Variants in PID1 observed in about 807,000 individuals in gnomAD.
PID1 encodes the protein PTB-containing, cubilin and LRP1-interacting protein.
In PID1, 10 loss-of-function variants were observed where a neutral mutation model predicts 19.1. That is an observed-to-expected ratio of 0.52 (90% CI 0.32 to 0.89). The LOEUF is 0.89. Ranked by LOEUF, PID1 falls within the 40% of genes least tolerant of loss-of-function variation. The pLI is 0.03. For synonymous variants in PID1, 130 were observed against 116.0 expected, an observed-to-expected ratio of 1.12 and a Z score of -0.78; for missense variants, 248 against 285.3, an observed-to-expected ratio of 0.87 and a Z score of 0.94.
At chr2:229,268,410 C>T (rs934908081) in intron 1 of PID1, among the ~76,000 whole-genome samples, 4 of 152,206 alleles carry the variant, frequency 2.6e-5, no homozygotes, top group African/African-American at 9.6e-5. Context: ...GGGACACAGA[C>T]TTCTCAAACC....
At chr2:229,128,241 C>T (rs1356688503) in intron 2 of PID1, among the ~76,000 whole-genome samples, 2 of 152,206 alleles carry the variant, frequency 1.3e-5, no homozygotes, top group Non-Finnish European at 2.9e-5. Flanking sequence ...TCAGAAGGCA[C>T]TTATTCCAAG....
intron 2 of PID1, among the ~76,000 whole-genome samples, chr2:229,033,026 A>C (rs1441111232): frequency 6.6e-6 from 1 of 152,090 alleles, no homozygotes; most frequent in Non-Finnish European, 1.5e-5. Flanking sequence ...ATGAATCACC[A>C]TTCCCTGCTC....
rs143807308 is a variant in PID1 at position 229,091,065 on chromosome 2, T to C, written c.177+64753A>G. Among the ~76,000 whole-genome samples the C allele has an allele frequency of 1.4e-4, 22 of 152,290 alleles. No individual in the cohort carries two copies. In the East Asian group the frequency reaches 4.2e-3, roughly 29 times the overall value. On this transcript the variant is annotated intron_variant, in intron 2 of 2. Transcript: ENST00000392055. Reference sequence around the variant, plus strand: ...ATTAAGTTTGAAGAGATATTTCCCTTTTAAACTTTATCTATAAGTAATTAC... The same window carrying C: ...ATTAAGTTTGAAGAGATATTTCCCTCTTAAACTTTATCTATAAGTAATTAC...
At chr2:229,104,763 A>G (rs528101884) in intron 2 of PID1, among the ~76,000 whole-genome samples, 5 of 152,302 alleles carry the variant, frequency 3.3e-5, no homozygotes, top group South Asian at 2.1e-4. Flanking sequence ...TTTCTTACCT[A>G]TGAAATAGGT....
intron 2 of PID1, among the ~76,000 whole-genome samples, chr2:229,085,179 C>T (rs1694740670): frequency 6.6e-6 from 1 of 151,072 alleles, no homozygotes; most frequent in Admixed American, 6.6e-5. Flanking sequence ...AATGATAAAC[C>T]CATTGCATAC....
At chr2:229,171,603 A>G (rs1382479947) in intron 1 of PID1, among the ~76,000 whole-genome samples, 1 of 152,178 alleles carries the variant, frequency 6.6e-6, no homozygotes, top group Non-Finnish European at 1.5e-5. Flanking sequence ...CTTTCATAGC[A>G]TTTGTAACAC....
intron 2 of PID1, among the ~76,000 whole-genome samples, 174 bp from the exon 3 acceptor site, chr2:229,026,282 T>C (rs931230837): frequency 6.6e-6 from 1 of 152,224 alleles, no homozygotes; most frequent in Non-Finnish European, 1.5e-5. Flanking sequence ...TTCTCTCTAA[T>C]GAGTTGCCTA....
At chr2:229,110,227 C>T (rs578208833) in intron 2 of PID1, among the ~76,000 whole-genome samples, 31 of 152,286 alleles carry the variant, frequency 2.0e-4, no homozygotes, top group Admixed American at 1.2e-3. Flanking sequence ...GATGTCCAAG[C>T]GCCTTCCTGG....
At chr2:229,206,137 T>C (rs989780394) in intron 1 of PID1, among the ~76,000 whole-genome samples, 5 of 152,110 alleles carry the variant, frequency 3.3e-5, no homozygotes, top group African/African-American at 1.2e-4. Context: ...CAAAATCACT[T>C]GCCAAGGTAA....
intron 1 of PID1, among the ~76,000 whole-genome samples, chr2:229,156,934 C>A (rs1402243912): frequency 6.6e-6 from 1 of 152,220 alleles, no homozygotes; most frequent in Non-Finnish European, 1.5e-5. Flanking sequence ...CTTAGGACCC[C>A]TGATCACGCT....
At chr2:229,044,367 C>A (rs1179209604) in intron 2 of PID1, among the ~76,000 whole-genome samples, 1 of 152,034 alleles carries the variant, frequency 6.6e-6, no homozygotes, top group African/African-American at 2.4e-5. Flanking sequence ...CCTCTCTGCC[C>A]ATCCCACCAA....
At chr2:229,070,758 A>T (rs1356761148) in intron 2 of PID1, among the ~76,000 whole-genome samples, 1 of 152,176 alleles carries the variant, frequency 6.6e-6, no homozygotes, top group Non-Finnish European at 1.5e-5. Flanking sequence ...GAGTTTTAAA[A>T]TACTGATTAG....
intron 1 of PID1, chr2:229,231,837 A>G (rs1342367718): frequency 3.9e-6 from 6 of 1,535,542 alleles, no homozygotes; most frequent in African/African-American, 1.4e-5. Context: ...CTCTTCTTTT[A>G]CCTCCTTGTC....
At chr2:229,079,497 T>C (rs2106209403) in intron 2 of PID1, among the ~76,000 whole-genome samples, 1 of 152,346 alleles carries the variant, frequency 6.6e-6, no homozygotes, top group Non-Finnish European at 1.5e-5. Flanking sequence ...ATACTATCTG[T>C]CTTTCTATCC....
chr2:229,138,980 GAAGAAAGAAAGAAAGA>G lies in PID1; in HGVS notation c.177+16822_177+16837del, dbSNP rs1176284832. Among the ~76,000 whole-genome samples the G allele has an allele frequency of 1.8e-3, 121 of 67,034 alleles. 1 individual carries two copies. Among genetic ancestry groups the G allele is most frequent in the African/African-American group, 3.2e-3 (52 of 16,210 alleles). 44.0% of individuals were successfully genotyped at this position (67,034 alleles called of 152,430 possible). A position where few individuals can be genotyped will look rare whatever the true frequency, so the allele number is the denominator to read the frequency against. On this transcript the variant is annotated intron_variant, in intron 2 of 2. Coordinates refer to ENST00000392055, the MANE Select transcript of PID1 (RefSeq NM_001100818.2). Reference sequence around the variant, plus strand: ...AAAGAGAAATAAATAGAAAAAAATAGAAGAAAGAAAGAAAGAAAGAAAGAAAGAAAGAAAGAAAGAA... The same window carrying G: ...AAAGAGAAATAAATAGAAAAAAATAGAAGAAAGAAAGAAAGAAAGAAAGAA...
rs1192787809 is a variant in PID1, at chr2:229,054,718, G to GT, written c.178-28611dup. On this transcript the variant is annotated intron_variant, in intron 2 of 2. Coordinates refer to ENST00000392055, the MANE Select transcript of PID1 (RefSeq NM_001100818.2). ...ACAGTAATGCAGTGTGTGTGTGTGT[G>GT]TGGGGGGGGGGGGGGGTCTGGTTTT... Among the ~76,000 whole-genome samples the GT allele has an allele frequency of 6.4e-4, 26 of 40,708 alleles. 2 individuals are homozygous for GT. Among genetic ancestry groups the GT allele is most frequent in the African/African-American group, 1.7e-3 (25 of 14,290 alleles). 26.7% of individuals were successfully genotyped at this position (40,708 alleles called of 152,430 possible). A position where few individuals can be genotyped will look rare whatever the true frequency, so the allele number is the denominator to read the frequency against.
intron 2 of PID1, among the ~76,000 whole-genome samples, chr2:229,048,793 C>T (rs558827946): frequency 1.5e-4 from 23 of 152,162 alleles, no homozygotes; most frequent in Admixed American, 1.4e-3. Context: ...TTCCCAGACT[C>T]GAGTTTATGG....
intron 2 of PID1, among the ~76,000 whole-genome samples, chr2:229,034,178 CAAT>C (rs1276301928): frequency 2.6e-5 from 4 of 152,064 alleles, no homozygotes; most frequent in Non-Finnish European, 5.9e-5. Context: ...ATTGTCGGCA[CAAT>C]AATAAATTTT....
intron 1 of PID1, among the ~76,000 whole-genome samples, chr2:229,233,677 A>G (rs958717813): frequency 6.6e-6 from 1 of 152,046 alleles, no homozygotes; most frequent in Non-Finnish European, 1.5e-5. Context: ...TTTTTAGTAG[A>G]GATTGGGCTT....
Sources: allele counts gnomAD v4.1 joint callset (sites outside exome capture counted in the v4.1 genomes callset), GRCh38; gene constraint gnomAD v4.1.1; transcripts MANE v1.5; gene names NCBI Gene and HGNC (gene_info 2026-07-23, HGNC 2026-07-21).